COL4A2: variants seen among roughly 807,000 people sequenced by gnomAD.
COL4A2 encodes the protein collagen type IV alpha 2 chain.
A neutral mutation model predicts 200.2 loss-of-function variants in COL4A2; 99 were observed. That is an observed-to-expected ratio of 0.49 (90% CI 0.42 to 0.58). The LOEUF (loss-of-function observed/expected upper bound fraction) is 0.58. Ranked by LOEUF, COL4A2 falls within the 20% of genes least tolerant of loss-of-function variation. The probability of loss-of-function intolerance (pLI) is 0.00; values close to 1 mark genes in which losing one functional copy is unlikely to be tolerated. For synonymous variants in COL4A2, 897 were observed against 900.6 expected, an observed-to-expected ratio of 1.00 and a Z score of 0.07; for missense variants, 1,950 against 2,314.1, an observed-to-expected ratio of 0.84 and a Z score of 3.23.
intron 18 of COL4A2, among the ~76,000 whole-genome samples, chr13:110,447,971 C>G (rs999468642): frequency 1.3e-5 from 2 of 152,160 alleles, no homozygotes; most frequent in African/African-American, 4.8e-5. Flanking sequence ...CAGGACAGAA[C>G]AGGGCCATGG....
intron 4 of COL4A2, among the ~76,000 whole-genome samples, chr13:110,357,969 A>C (rs954441928): frequency 6.6e-6 from 1 of 152,182 alleles, no homozygotes; most frequent in African/African-American, 2.4e-5. Flanking sequence ...ACCACTGTAG[A>C]TCCATCAACA....
chr13:110,492,620 G>A (rs1024780571), intron 38 of COL4A2, among the ~76,000 whole-genome samples: 17 of 152,212 alleles, frequency 1.1e-4, no homozygotes, highest in Non-Finnish European at 2.1e-4. Context: ...CCTGTTTGCT[G>A]TGTCCTGCTT....
chr13:110,365,501 C>T (rs1366355437), intron 4 of COL4A2, among the ~76,000 whole-genome samples: 2 of 152,160 alleles, frequency 1.3e-5, no homozygotes, highest in Non-Finnish European at 1.5e-5. Flanking sequence ...GTATGAACCT[C>T]GAGACTTTGT....
At chr13:110,343,697 A>C (rs551982537) in intron 3 of COL4A2, among the ~76,000 whole-genome samples, 1 of 152,236 alleles carries the variant, frequency 6.6e-6, no homozygotes, top group East Asian at 1.9e-4. Flanking sequence ...GCTGTGTGCC[A>C]ATGCAAACGG....
chr13:110,473,088 G>C lies in COL4A2; in HGVS notation c.2363G>C (p.Gly788Ala). The change falls in exon 29 of 48, where the codon GGT becomes GCT. Residue 788 changes from glycine to alanine, a missense_variant. Gly to Ala is a moderately conservative substitution (Grantham distance 60, BLOSUM62 0). This residue lies in a region of COL4A2 where 1,385 missense variants were observed against 1,720.5 expected (regional missense o/e 0.80). Transcript: ENST00000360467. ...GAQPGPRGDA[G>A]VPGQPGLKGL... is the part of the protein sequence containing the mutation. ...CAGCCCGGGCCACGGGGAGATGCTG[G>C]TGTGCCTGGACAGCCTGGGCTTAAA... 1 of 1,551,376 alleles carries C rather than the reference G, an allele frequency of 6.4e-7. No homozygotes were observed. Among genetic ancestry groups the C allele is most frequent in the Non-Finnish European group, 8.7e-7 (1 of 1,148,400 alleles).
chr13:110,469,259 A>T lies in COL4A2; in HGVS notation c.2138A>T (p.Asp713Val), dbSNP rs1458608259. ...GGAATCCCAGGCTTCGCAGGAGCTG[A>T]TGGAGGACCAGGGCCCAGGGGCTTG... is the stretch of plus-strand genomic sequence containing the variant. ...LRGIPGFAGADGGPGPRGLPG... is the reference protein window; with the variant it reads ...LRGIPGFAGAVGGPGPRGLPG... Residue 713 changes from aspartate (D) to valine (V), a missense_variant, in exon 28 of 48, where the codon GAT becomes GTT. Physicochemically the swap from Asp to Val is radical, Grantham distance 152. Coordinates refer to ENST00000360467, the MANE Select transcript of COL4A2 (RefSeq NM_001846.4). 1.9e-6 allele frequency: 3 copies of T among 1,604,222 alleles called. No homozygotes were observed. In the South Asian group the frequency reaches 3.4e-5, roughly 18 times the overall value.
At chr13:110,503,346 A>C (rs1163768744) in intron 42 of COL4A2, 37 bp from the exon 43 acceptor site, 1 of 1,588,476 alleles carries the variant, frequency 6.3e-7, no homozygotes, top group Non-Finnish European at 8.6e-7. Context: ...CCCTCCCCAC[A>C]GACTTTCGTG....
In COL4A2 at chr13:110,450,298, G is replaced by C; in HGVS notation, c.1190-7G>C. The stretch of plus-strand genomic sequence containing the variant: ...TCACGCTGCAGGTGAATGCTGTTTG[G>C]TTTCAGATCAGAGGAGAGGCCTGCC... On this transcript the variant is annotated splice_polypyrimidine_tract_variant and splice_region_variant and intron_variant, in intron 19 of 47. Transcript: ENST00000360467. 3 of 1,613,034 alleles carry C rather than the reference G, an allele frequency of 1.9e-6. No individual in the cohort carries two copies. The highest frequency in any genetic ancestry group is 2.5e-6 in the Non-Finnish European group (3 of 1,179,240).
At chr13:110,457,459 G>A in intron 21 of COL4A2, 24 bp downstream of exon 21, 1 of 1,357,628 alleles carries the variant, frequency 7.4e-7, no homozygotes, top group Middle Eastern at 1.8e-4. Flanking sequence ...GGAGGGACGG[G>A]ATGAGGACAG....
Position 110,504,283 on chromosome 13 carries a change from G to A in COL4A2, c.4402+19G>A, listed in dbSNP as rs902456844. 6.3e-7 allele frequency: 1 copy of A among 1,590,292 alleles called. No homozygotes were observed. The highest frequency in any genetic ancestry group is 1.7e-5 in the Admixed American group (1 of 59,988). On this transcript the variant is annotated intron_variant, in intron 45 of 47. Transcript: ENST00000360467. ...CAAGAAGGTGAGTGACAGTGGGGAA[G>A]GACCTTCCCAGGTCCTAGTGCTCTG...
chr13:110,312,623 G>C (rs1321865927), intron 3 of COL4A2, among the ~76,000 whole-genome samples: 1 of 152,200 alleles, frequency 6.6e-6, no homozygotes, highest in Non-Finnish European at 1.5e-5. Flanking sequence ...AAGAATGTTT[G>C]TCTTTGATTA....
chr13:110,446,106 T>C (rs1331625075), intron 17 of COL4A2, among the ~76,000 whole-genome samples: 1 of 152,138 alleles, frequency 6.6e-6, no homozygotes, highest in Non-Finnish European at 1.5e-5. Context: ...CAGGGCCACG[T>C]AGGGGTGCGC....
At position 110,364,559 on chromosome 13, in the gene COL4A2, G is replaced by T. The variant is rs188142685; in HGVS notation, c.180+7007G>T. On this transcript the variant is annotated intron_variant, in intron 4 of 47. Transcript: ENST00000360467. ...TTAAAAGTCCCACTTCAAGAGAATG[G>T]TTAAATCTCGCTGGAAAGAAAGAGC... Among the ~76,000 whole-genome samples, 7 of 152,316 alleles carry T rather than the reference G, an allele frequency of 4.6e-5. No individual in the cohort carries two copies. In the East Asian group the frequency reaches 1.3e-3, roughly 29 times the overall value.
chr13:110,409,433 C>T (rs994807356), intron 4 of COL4A2, among the ~76,000 whole-genome samples: 1 of 152,382 alleles, frequency 6.6e-6, no homozygotes, highest in Admixed American at 6.5e-5. Flanking sequence ...TAATGAACCG[C>T]GTGCATCTTT....
chr13:110,385,941 G>C lies in COL4A2; in HGVS notation c.180+28389G>C, dbSNP rs765570172. On this transcript the variant is annotated intron_variant, in intron 4 of 47. Transcript: ENST00000360467. ...TGGATGGGCCGTGGTTACAGCGTGT[G>C]GATGGGCCGTGGTCACAGCGTGTGG... 3.7e-3 allele frequency among the ~76,000 whole-genome samples: 208 copies of C among 56,128 alleles called. 8 individuals are homozygous for C. Among genetic ancestry groups the C allele is most frequent in the South Asian group, 8.2e-3 (9 of 1,098 alleles). 36.8% of individuals were successfully genotyped at this position (56,128 alleles called of 152,430 possible).
chr13:110,474,674 CTT>C, intron 29 of COL4A2, among the ~76,000 whole-genome samples: 1 of 121,544 alleles, frequency 8.2e-6, no homozygotes, highest in Non-Finnish European at 1.9e-5. Context: ...GATCACACTC[CTT>C]ACACACGTAC....
chr13:110,385,740 G>A (rs75350121), intron 4 of COL4A2, among the ~76,000 whole-genome samples: 1,776 of 2,612 alleles, frequency 0.68, 508 homozygotes, highest in East Asian at 0.72. Context: ...GGCCGTGGTT[G>A]CAGTGCGTGG....
chr13:110,329,191 A>G (rs1004169089), intron 3 of COL4A2, among the ~76,000 whole-genome samples: 16 of 152,214 alleles, frequency 1.1e-4, no homozygotes, highest in African/African-American at 3.9e-4. Flanking sequence ...TACTTGGGGT[A>G]TTCGATTTTT....
intron 4 of COL4A2, among the ~76,000 whole-genome samples, chr13:110,392,200 GA>G (rs1202565477): frequency 3.3e-5 from 5 of 152,162 alleles, no homozygotes; most frequent in Admixed American, 3.3e-4. Flanking sequence ...GAATCATCAA[GA>G]AAACAAGTCA....
Sources: allele counts gnomAD v4.1 joint callset (sites outside exome capture counted in the v4.1 genomes callset), GRCh38; gene constraint gnomAD v4.1.1; regional missense constraint gnomAD v4.1.1; transcripts MANE v1.5; gene names NCBI Gene and HGNC (gene_info 2026-07-23, HGNC 2026-07-21).